PFKP: variants seen among roughly 807,000 people sequenced by gnomAD.
The protein encoded by PFKP is ATP-dependent 6-phosphofructokinase, platelet type.
Under a neutral mutation model 94.3 loss-of-function variants are expected in PFKP, and 101 were observed. That is an observed-to-expected ratio of 1.07 (90% CI 0.91 to 1.26). The LOEUF is 1.26. Ranked by LOEUF, PFKP falls within the 50% of genes most tolerant of loss-of-function variation. PFKP has a pLI of 0.00. For synonymous variants in PFKP, 573 were observed against 432.6 expected (o/e 1.32, Z -4.03); for missense variants, 1,145 against 1,103.3 (o/e 1.04, Z -0.53).
chr10:3,084,386 G>A (rs1833322623), intron 2 of PFKP, among the ~76,000 whole-genome samples: 1 of 152,132 alleles, frequency 6.6e-6, no homozygotes, highest in South Asian at 2.1e-4. Context: ...ATTATTCTTT[G>A]CTCATTTATC....
chr10:3,130,759 A>G (rs923905479), intron 17 of PFKP, among the ~76,000 whole-genome samples: 4 of 152,022 alleles, frequency 2.6e-5, no homozygotes, highest in African/African-American at 7.2e-5. Flanking sequence ...AGGTTTCACC[A>G]TGTTGGTCAG....
intron 15 of PFKP, among the ~76,000 whole-genome samples, 189 bp downstream of exon 15, chr10:3,119,058 C>G (rs1315384756): frequency 6.7e-6 from 1 of 150,084 alleles, no homozygotes; most frequent in African/African-American, 2.5e-5. Context: ...TGGCCCAGTT[C>G]CAGTAAAGCA....
At chr10:3,106,979 C>A (rs112889383) in intron 7 of PFKP, among the ~76,000 whole-genome samples, 32 of 48,628 alleles carry the variant, frequency 6.6e-4, no homozygotes, top group South Asian at 1.6e-3. Context: ...GCCCCTTCAC[C>A]CCTGCCCCTC....
At chr10:3,109,681 C>T (rs564798256) in intron 10 of PFKP, among the ~76,000 whole-genome samples, 1 of 152,336 alleles carries the variant, frequency 6.6e-6, no homozygotes, top group East Asian at 1.9e-4. Context: ...CGTCTTCGCT[C>T]TTTGGTTTTC....
At chr10:3,091,767 CAG>C (rs1250215014) in intron 2 of PFKP, among the ~76,000 whole-genome samples, 2 of 152,076 alleles carry the variant, frequency 1.3e-5, no homozygotes, top group Non-Finnish European at 2.9e-5. Context: ...GCCTGGGTGA[CAG>C]AGCGAGACTG....
chr10:3,109,052 A>G (rs992519876), intron 9 of PFKP, among the ~76,000 whole-genome samples: 1 of 130,778 alleles, frequency 7.6e-6, no homozygotes, highest in African/African-American at 2.9e-5. Flanking sequence ...AGAGGGCACA[A>G]TCCCAGGGCA....
chr10:3,108,970 C>A (rs1835895671), intron 9 of PFKP, among the ~76,000 whole-genome samples, 177 bp downstream of exon 9: 2 of 152,106 alleles, frequency 1.3e-5, no homozygotes, highest in Admixed American at 1.3e-4. Flanking sequence ...TCTAGGCCTG[C>A]AGCCATTCAG....
rs920645154 is a variant in PFKP, at chr10:3,107,301, A to G, written c.862A>G (p.Ile288Val). ...AAATAAACCCATCACCTCTGAGAAA[A>G]TCAAAGAGGTGAGTGTGTGTAGCTG... ...TQNKPITSEK[I>V]KELVVTQLGY... Residue 288 changes from isoleucine (I) to valine (V), a missense_variant, in exon 8 of 22, where the codon ATC becomes GTC. Transcript: ENST00000381125. The G allele has an allele frequency of 2.8e-5, 45 of 1,590,766 alleles. No homozygotes were observed. Among genetic ancestry groups the G allele is most frequent in the Non-Finnish European group, 3.5e-5 (41 of 1,159,270 alleles).
At chr10:3,081,216 G>C (rs1588403411) in intron 1 of PFKP, among the ~76,000 whole-genome samples, 1 of 152,088 alleles carries the variant, frequency 6.6e-6, no homozygotes, top group Non-Finnish European at 1.5e-5. Context: ...TCAACTTTCA[G>C]AGGCAATGGT....
chr10:3,136,100 C>T (rs755214709), intron 21 of PFKP, among the ~76,000 whole-genome samples: 7 of 152,116 alleles, frequency 4.6e-5, no homozygotes, highest in Non-Finnish European at 1.0e-4. Context: ...CCCATCTCTA[C>T]TAAAAATACA....
At chr10:3,109,329 C>G (rs377623675) in intron 9 of PFKP, 26 bp from the exon 10 acceptor site, 61 of 1,606,584 alleles carry the variant, frequency 3.8e-5, no homozygotes, top group Middle Eastern at 1.6e-4. Flanking sequence ...GAGGCTGCCC[C>G]TGACCCACAT....
chr10:3,068,811 G>A (rs1006378566), intron 1 of PFKP: 4 of 538,030 alleles, frequency 7.4e-6, no homozygotes, highest in South Asian at 1.6e-4. Context: ...GAGACGCGGC[G>A]CGCCCCGAGC....
At chr10:3,076,345 A>C (rs912738721) in intron 1 of PFKP, among the ~76,000 whole-genome samples, 1 of 152,174 alleles carries the variant, frequency 6.6e-6, no homozygotes, top group Admixed American at 6.5e-5. Context: ...TGTCCCAGCC[A>C]CGCAGAGGAC....
intron 15 of PFKP, among the ~76,000 whole-genome samples, 155 bp downstream of exon 15, chr10:3,119,024 A>G (rs3829916): frequency 0.38 from 57,214 of 152,050 alleles, 11,043 homozygotes; most frequent in Non-Finnish European, 0.41. Context: ...GCAGGATAGC[A>G]GGTGGTAAGA....
intron 5 of PFKP, chr10:3,104,691 GC>G: frequency 4.1e-6 from 1 of 244,142 alleles, no homozygotes; most frequent in Non-Finnish European, 8.0e-6. Flanking sequence ...CAGTCTCTGG[GC>G]ATTAAGCACT....
Position 3,116,791 on chromosome 10 carries a change from T to A in PFKP, c.1387T>A (p.Trp463Arg), listed in dbSNP as rs536909135. The A allele has an allele frequency of 6.8e-6, 11 of 1,613,708 alleles. No homozygotes were observed. The highest frequency in any genetic ancestry group is 9.3e-6 in the Non-Finnish European group (11 of 1,179,684). ...TGCACATTAGATCAAAGAAATCGGC[T>A]GGACAGATGTCGGGGGCTGGACCGG... ...FAKGQIKEIG[W>R]TDVGGWTGQG... is the part of the protein sequence containing the mutation. Residue 463 changes from tryptophan (W) to arginine (R), a missense_variant, in exon 14 of 22, where the codon TGG becomes AGG. Physicochemically the swap from Trp to Arg is moderately radical, Grantham distance 101 (BLOSUM62 -3). This residue lies in a region of PFKP where 1,119 missense variants were observed against 1,062.8 expected (regional missense o/e 1.05). Transcript: ENST00000381125.
Position 3,129,869 on chromosome 10 carries a change from C to T in PFKP, c.1734C>T (p.Phe578=), listed in dbSNP as rs1034151869. The T allele has an allele frequency of 6.2e-7, 1 of 1,613,586 alleles. No individual in the cohort carries two copies. ...QSASGTKRRV[F]IIETMGGYCG... ...CCAGCGGAACCAAGCGGCGCGTGTT[C>T]ATCATCGAGACCATGGGCGGCTACT... Residue 578 remains phenylalanine, a synonymous_variant, in exon 17 of 22, where the codon TTC becomes TTT. Coordinates refer to ENST00000381125, the MANE Select transcript of PFKP (RefSeq NM_002627.5).
chr10:3,095,689 A>T (rs1834425396), intron 2 of PFKP, among the ~76,000 whole-genome samples: 1 of 152,244 alleles, frequency 6.6e-6, no homozygotes, highest in African/African-American at 2.4e-5. Context: ...ATAAATATTC[A>T]GCCTTCTAAG....
chr10:3,084,536 C>G (rs956063031), intron 2 of PFKP, among the ~76,000 whole-genome samples: 3 of 152,120 alleles, frequency 2.0e-5, no homozygotes, highest in African/African-American at 7.2e-5. Flanking sequence ...GAGGGTCTAG[C>G]TGTAGCATTC....
Sources: allele counts gnomAD v4.1 joint callset (sites outside exome capture counted in the v4.1 genomes callset), GRCh38; gene constraint gnomAD v4.1.1; regional missense constraint gnomAD v4.1.1; transcripts MANE v1.5; gene names NCBI Gene and HGNC (gene_info 2026-07-23, HGNC 2026-07-21).